MED12L: variants seen among roughly 807,000 people sequenced by gnomAD.
MED12L encodes the protein mediator of RNA polymerase II transcription subunit 12-like protein.
A neutral mutation model predicts 281.3 loss-of-function variants in MED12L; 60 were observed. That is an observed-to-expected ratio of 0.21 (90% CI 0.17 to 0.26). The LOEUF is 0.26. MED12L is among the 10% of genes least tolerant of loss of function. The pLI, the probability that MED12L is intolerant of heterozygous loss-of-function variation, is 1.00. For missense variants in MED12L, 2,146 were observed against 2,680.9 expected (o/e 0.80, Z 4.41); for synonymous variants, 974 against 987.2 (o/e 0.99, Z 0.25).
At chr3:151,185,195 G>A (rs1723116269) in intron 11 of MED12L, 135 bp from the exon 12 acceptor site, 1 of 740,406 alleles carries the variant, frequency 1.4e-6, no homozygotes, top group Non-Finnish European at 2.1e-6. Flanking sequence ...TGTTTTGGAA[G>A]CGCTTTCTAA....
At chr3:151,313,053 T>A (rs1258128125) in intron 16 of MED12L, among the ~76,000 whole-genome samples, 1 of 152,202 alleles carries the variant, frequency 6.6e-6, no homozygotes, top group Non-Finnish European at 1.5e-5. Flanking sequence ...ATGTTATTTG[T>A]TCTTTGAGCA....
intron 16 of MED12L, among the ~76,000 whole-genome samples, chr3:151,265,499 C>G (rs1242265308): frequency 1.3e-5 from 2 of 152,126 alleles, no homozygotes; most frequent in African/African-American, 4.8e-5. Flanking sequence ...TTCTCAACTG[C>G]CCACTTGCCG....
intron 2 of MED12L, among the ~76,000 whole-genome samples, chr3:151,098,058 C>T (rs1157775077): frequency 6.6e-6 from 1 of 152,150 alleles, no homozygotes; most frequent in African/African-American, 2.4e-5. Flanking sequence ...TATGGGTGTG[C>T]CTTCGGCTGT....
At chr3:151,137,184 AAAG>A (rs1411652861) in intron 5 of MED12L, among the ~76,000 whole-genome samples, 41 of 149,276 alleles carry the variant, frequency 2.7e-4, no homozygotes, top group South Asian at 2.1e-3. Flanking sequence ...AAAAAAAAAA[AAAG>A]AACGAAAAAA....
intron 5 of MED12L, among the ~76,000 whole-genome samples, chr3:151,134,229 C>T (rs926212556): frequency 4.7e-4 from 71 of 151,046 alleles, no homozygotes; most frequent in African/African-American, 1.7e-3. Context: ...TGGTCAGTCC[C>T]TCACCAGGTC....
At chr3:151,297,969 A>G (rs1745330397) in intron 16 of MED12L, among the ~76,000 whole-genome samples, 1 of 152,082 alleles carries the variant, frequency 6.6e-6, no homozygotes, top group Non-Finnish European at 1.5e-5. Flanking sequence ...AAAGCCTGTT[A>G]TGGGTTATTT....
At chr3:151,340,699 G>A (rs891375584) in intron 16 of MED12L, 1 of 152,552 alleles carries the variant, frequency 6.6e-6, no homozygotes, top group African/African-American at 2.4e-5. Context: ...TCTTAGTTTA[G>A]TTGCCAAACC....
chr3:151,102,458 A>G (rs550341659), intron 2 of MED12L, among the ~76,000 whole-genome samples: 15 of 152,270 alleles, frequency 9.9e-5, no homozygotes, highest in Non-Finnish European at 1.8e-4. Context: ...AAAAGTAATG[A>G]ACAAAATTGC....
At chr3:151,381,684 G>A (rs1712378014) in intron 32 of MED12L, among the ~76,000 whole-genome samples, 1 of 152,162 alleles carries the variant, frequency 6.6e-6, no homozygotes, top group South Asian at 2.1e-4. Context: ...GTATGCCATT[G>A]CCATGCCTCA....
At chr3:151,165,632 G>C (rs1174311855) in intron 10 of MED12L, 113 bp downstream of exon 10, 1 of 991,772 alleles carries the variant, frequency 1.0e-6, no homozygotes, top group African/African-American at 1.6e-5. Flanking sequence ...AGAGCCACTT[G>C]GTGAATTTTG....
intron 37 of MED12L, among the ~76,000 whole-genome samples, chr3:151,388,583 G>T (rs6798637): frequency 1.3e-5 from 2 of 152,006 alleles, no homozygotes; most frequent in Non-Finnish European, 2.9e-5. Context: ...GCTCTATTTG[G>T]TTTTTCTTTG....
intron 16 of MED12L, among the ~76,000 whole-genome samples, chr3:151,253,695 C>T (rs552007856): frequency 6.6e-6 from 1 of 152,196 alleles, no homozygotes; most frequent in South Asian, 2.1e-4. Context: ...TTGCCCCAGT[C>T]TCATTCATGG....
At chr3:151,111,249 C>T (rs1213573164) in intron 2 of MED12L, among the ~76,000 whole-genome samples, 1 of 152,234 alleles carries the variant, frequency 6.6e-6, no homozygotes, top group Non-Finnish European at 1.5e-5. Flanking sequence ...CGAACAATAG[C>T]AGCAATGCTA....
intron 16 of MED12L, among the ~76,000 whole-genome samples, chr3:151,205,738 C>T (rs774955109): frequency 1.3e-5 from 2 of 152,282 alleles, no homozygotes; most frequent in African/African-American, 4.8e-5. Context: ...TAGACCCTAG[C>T]GTCCCAGCTC....
chr3:151,296,635 C>CT (rs1358164668), intron 16 of MED12L, among the ~76,000 whole-genome samples: 1 of 151,912 alleles, frequency 6.6e-6, no homozygotes, highest in Non-Finnish European at 1.5e-5. Context: ...CAGCCTTCTG[C>CT]TTGTCCCCAT....
chr3:151,094,750 T>TTA (rs1397431761), intron 2 of MED12L, among the ~76,000 whole-genome samples: 2 of 152,244 alleles, frequency 1.3e-5, no homozygotes, highest in African/African-American at 2.4e-5. Flanking sequence ...AGGATGATTT[T>TTA]TATTTTCTTC....
intron 16 of MED12L, chr3:151,198,729 T>C: frequency 6.2e-7 from 1 of 1,613,638 alleles, no homozygotes; most frequent in Non-Finnish European, 8.5e-7. Flanking sequence ...ATGAGAGCCT[T>C]TTTCACATTT....
chr3:151,313,262 A>G (rs142024637), intron 16 of MED12L, among the ~76,000 whole-genome samples: 2 of 152,306 alleles, frequency 1.3e-5, no homozygotes, highest in East Asian at 1.9e-4. Context: ...ACCAAGTTAA[A>G]ATAGCTCCAA....
rs1313979046 is a variant in MED12L at position 151,169,738 on chromosome 3, A to G, written c.1494+3756A>G. On this transcript the variant is annotated intron_variant, in intron 11 of 44. Coordinates refer to ENST00000687756, the MANE Select transcript of MED12L (RefSeq NM_001393769.1). ...TGATAAGGAGTTACGTGTGGTTAGGATTCAGAAATTGGTCTCACTTCTTTA... is the reference window on the plus strand; with the variant it reads ...TGATAAGGAGTTACGTGTGGTTAGGGTTCAGAAATTGGTCTCACTTCTTTA... 2.0e-5 allele frequency among the ~76,000 whole-genome samples: 3 copies of G among 152,224 alleles called. No homozygotes were observed. In the East Asian group the frequency reaches 5.8e-4, roughly 29 times the overall value.
Sources: gnomAD v4.1 joint callset for allele counts (sites outside exome capture counted in the v4.1 genomes callset) on GRCh38, gnomAD v4.1.1 for gene constraint, MANE v1.5 for transcripts, NCBI Gene and HGNC (gene_info 2026-07-23, HGNC 2026-07-21) for gene names.